Variants in GABRP observed in about 807,000 individuals in gnomAD.
GABRP encodes the protein gamma-aminobutyric acid type A receptor subunit pi, also known as gamma-aminobutyric acid receptor subunit pi.
Under a neutral mutation model 47.8 loss-of-function variants are expected in GABRP, and 52 were observed. That is an observed-to-expected ratio of 1.09 (90% CI 0.87 to 1.37). The LOEUF (loss-of-function observed/expected upper bound fraction) is 1.37. Among genes scored for constraint, GABRP ranks in the 40% most tolerant of loss-of-function variants. The pLI is 0.00. For missense variants in GABRP, 525 were observed against 542.8 expected (o/e 0.97, Z 0.33); for synonymous variants, 221 against 205.8 (o/e 1.07, Z -0.63).
chr5:170,812,278 C>T lies in GABRP; in HGVS notation c.*20C>T, dbSNP rs752031874. 77 of 1,590,456 alleles carry T rather than the reference C, an allele frequency of 4.8e-5. 1 individual carries two copies. The South Asian group carries it at 6.4e-4, about 13-fold the overall frequency. ...TTTTGAGTCAATGTTAAATTTCTTGCATGCCATAGGTCTTCAACAGGACAA... is the reference window on the plus strand; with the variant it reads ...TTTTGAGTCAATGTTAAATTTCTTGTATGCCATAGGTCTTCAACAGGACAA... On this transcript the variant is annotated 3_prime_UTR_variant, in exon 10 of 10. Transcript: ENST00000265294.
intron 6 of GABRP, among the ~76,000 whole-genome samples, chr5:170,798,618 C>T (rs528602493): frequency 1.3e-5 from 2 of 151,878 alleles, no homozygotes; most frequent in African/African-American, 4.8e-5. Context: ...TGCCACCCAC[C>T]CACCCTTACT....
At chr5:170,803,071 AT>A (rs923011477) in intron 6 of GABRP, among the ~76,000 whole-genome samples, 33 of 150,010 alleles carry the variant, frequency 2.2e-4, no homozygotes, top group African/African-American at 6.8e-4. Context: ...ACTTTCATAG[AT>A]TTTTTTTTTA....
chr5:170,789,366 A>C, intron 3 of GABRP, 119 bp downstream of exon 3: 1 of 637,464 alleles, frequency 1.6e-6, no homozygotes, highest in Non-Finnish European at 2.7e-6. Flanking sequence ...CCTGTTAAGG[A>C]TTGGCAATGA....
chr5:170,810,377 AC>A (rs1270154275), intron 9 of GABRP, among the ~76,000 whole-genome samples: 1 of 152,198 alleles, frequency 6.6e-6, no homozygotes, highest in Admixed American at 6.5e-5. Flanking sequence ...GCTCATAACA[AC>A]CCAATAAGGT....
Position 170,813,447 on chromosome 5 carries a change from G to T in GABRP, c.*1189G>T, listed in dbSNP as rs1437294449. 6.6e-6 allele frequency: 1 copy of T among 152,280 alleles called. No homozygotes were observed. The highest frequency in any genetic ancestry group is 1.5e-5 in the Non-Finnish European group (1 of 68,108). 9.4% of individuals were successfully genotyped at this position (152,280 alleles called of 1,614,324 possible). A position where few individuals can be genotyped will look rare whatever the true frequency, so the allele number is the denominator to read the frequency against. ...AGTGGCTTATCCCGCATGAGCAGGA[G>T]CGTGCTGGCCCTGAGTACTGAACTT... On this transcript the variant is annotated 3_prime_UTR_variant, in exon 10 of 10. Transcript: ENST00000265294.
intron 6 of GABRP, among the ~76,000 whole-genome samples, chr5:170,804,185 C>CATAT (rs70982304): frequency 3.4e-5 from 5 of 148,980 alleles, no homozygotes; most frequent in Non-Finnish European, 6.0e-5. Context: ...TCTTTGTATG[C>CATAT]ATATATATAT....
In GABRP at chr5:170,795,378, C is replaced by T. The variant is rs143216946; in HGVS notation, c.411C>T (p.Asn137=). ...TCCTCCATGAAGTCACTGTGGGAAA[C>T]AGGCTCATCCGCCTCTTCTCCAATG... ...KSFLHEVTVG[N]RLIRLFSNGT... Residue 137 remains asparagine (N), a synonymous_variant, in exon 5 of 10, where the codon AAC becomes AAT. Coordinates refer to ENST00000265294, the MANE Select transcript of GABRP (RefSeq NM_014211.3). 1.2e-6 allele frequency: 2 copies of T among 1,613,974 alleles called. No homozygotes were observed. Among genetic ancestry groups the T allele is most frequent in the African/African-American group, 2.7e-5 (2 of 74,900 alleles).
chr5:170,799,806 T>C (rs1765540070), intron 6 of GABRP, among the ~76,000 whole-genome samples: 6 of 152,182 alleles, frequency 3.9e-5, no homozygotes, highest in African/African-American at 1.2e-4. Flanking sequence ...TTTGTCAATT[T>C]TGGCTTTTGT....
At chr5:170,804,975 TTATATATTATATTATATTATATATTA>T (rs987144947) in intron 6 of GABRP, among the ~76,000 whole-genome samples, 4 of 97,804 alleles carry the variant, frequency 4.1e-5, no homozygotes, top group African/African-American at 3.1e-4. Flanking sequence ...CGTTTATATA[TTATATATTATATTATATTATATATTA>T]TATATATTAT....
At chr5:170,793,791 G>A (rs987587742) in intron 3 of GABRP, among the ~76,000 whole-genome samples, 2 of 152,142 alleles carry the variant, frequency 1.3e-5, no homozygotes, top group Non-Finnish European at 2.9e-5. Flanking sequence ...AATTAGCCGG[G>A]CTTGGTGGCA....
At chr5:170,792,240 A>G (rs1765292689) in intron 3 of GABRP, among the ~76,000 whole-genome samples, 1 of 152,054 alleles carries the variant, frequency 6.6e-6, no homozygotes, top group Non-Finnish European at 1.5e-5. Context: ...GTCAGGAGTT[A>G]GAGACCAGCC....
intron 7 of GABRP, 108 bp downstream of exon 7, chr5:170,805,961 T>A: frequency 1.6e-6 from 2 of 1,249,982 alleles, no homozygotes; most frequent in South Asian, 1.4e-5. Flanking sequence ...TGGGATGCAG[T>A]GGAGCGGGAC....
chr5:170,794,373 CTCAA>C, intron 4 of GABRP, 75 bp downstream of exon 4: 37 of 473,786 alleles, frequency 7.8e-5, no homozygotes, highest in East Asian at 1.2e-4. Context: ...TTTCTAGCCG[CTCAA>C]AAAAAAAAAA....
chr5:170,793,538 A>G (rs1299846068), intron 3 of GABRP, among the ~76,000 whole-genome samples: 1 of 152,230 alleles, frequency 6.6e-6, no homozygotes, highest in Non-Finnish European at 1.5e-5. Context: ...GAAGCAAAGT[A>G]TCAGGAGGTC....
At chr5:170,794,867 A>G (rs1457591407) in intron 4 of GABRP, among the ~76,000 whole-genome samples, 1 of 151,888 alleles carries the variant, frequency 6.6e-6, no homozygotes, top group African/African-American at 2.4e-5. Flanking sequence ...CTTAGTGATC[A>G]GTGCAATGTG....
intron 6 of GABRP, among the ~76,000 whole-genome samples, chr5:170,804,132 GCTTGCATCAGTA>G (rs1311895232): frequency 6.6e-6 from 1 of 151,220 alleles, no homozygotes; most frequent in Non-Finnish European, 1.5e-5. Context: ...ACATGTTATG[GCTTGCATCAGTA>G]CTTTATTCCT....
At chr5:170,809,358 G>A (rs141752095) in intron 8 of GABRP, among the ~76,000 whole-genome samples, 1 of 151,996 alleles carries the variant, frequency 6.6e-6, no homozygotes, top group South Asian at 2.1e-4. Flanking sequence ...GACAGAACGT[G>A]AAACATTAAA....
intron 4 of GABRP, 101 bp downstream of exon 4, chr5:170,794,399 A>C: frequency 3.3e-6 from 2 of 605,232 alleles, no homozygotes; most frequent in South Asian, 2.9e-5. Flanking sequence ...AAAAAAAAGA[A>C]TGGCTCATGG....
intron 6 of GABRP, among the ~76,000 whole-genome samples, chr5:170,800,851 C>G (rs999147625): frequency 1.3e-5 from 2 of 152,144 alleles, no homozygotes; most frequent in South Asian, 2.1e-4. Context: ...GAGGCTGAGG[C>G]AGGAGAATCG....
Sources: gnomAD v4.1 joint callset for allele counts (sites outside exome capture counted in the v4.1 genomes callset) on GRCh38, gnomAD v4.1.1 for gene constraint, MANE v1.5 for transcripts, NCBI Gene and HGNC (gene_info 2026-07-23, HGNC 2026-07-21) for gene names.